SMC6: variants seen among roughly 807,000 people sequenced by gnomAD.
SMC6 encodes the protein structural maintenance of chromosomes protein 6.
In SMC6, 79 loss-of-function variants were observed where a neutral mutation model predicts 142.2. The ratio of observed to expected loss-of-function variants is 0.56; its 90% CI spans 0.46 to 0.67. The LOEUF is 0.67. Ranked by LOEUF, SMC6 falls within the 30% of genes least tolerant of loss-of-function variation. The probability of loss-of-function intolerance (pLI) is 0.00; values close to 1 mark genes in which losing one functional copy is unlikely to be tolerated. For synonymous variants in SMC6, 411 were observed against 412.4 expected (o/e 1.00, Z 0.04); for missense variants, 1,072 against 1,284.0 (o/e 0.83, Z 2.52).
chr2:17,718,038 T>C (rs1669186735), intron 12 of SMC6, 39 bp downstream of exon 12: 1 of 1,573,382 alleles, frequency 6.4e-7, no homozygotes, highest in African/African-American at 1.4e-5. Context: ...ATATTTGCTG[T>C]GTGGCTTTTA....
At chr2:17,715,327 A>T (rs1348223832) in intron 15 of SMC6, among the ~76,000 whole-genome samples, 1 of 151,986 alleles carries the variant, frequency 6.6e-6, no homozygotes, top group Non-Finnish European at 1.5e-5. Flanking sequence ...CCTGTGAAAA[A>T]AATTGTCCCA....
At chr2:17,676,446 A>G (rs1370886980) in intron 25 of SMC6, among the ~76,000 whole-genome samples, 1 of 152,204 alleles carries the variant, frequency 6.6e-6, no homozygotes, top group Non-Finnish European at 1.5e-5. Flanking sequence ...GAAATATAAT[A>G]AGCTGCATAT....
At chr2:17,694,027 A>T (rs1667873986) in intron 23 of SMC6, among the ~76,000 whole-genome samples, 1 of 136,944 alleles carries the variant, frequency 7.3e-6, no homozygotes, top group African/African-American at 2.9e-5. Context: ...AAAAAAAAGA[A>T]TGAAATCCTG....
At chr2:17,686,637 C>G (rs1300317490) in intron 23 of SMC6, among the ~76,000 whole-genome samples, 1 of 152,122 alleles carries the variant, frequency 6.6e-6, no homozygotes, top group African/African-American at 2.4e-5. Flanking sequence ...TTATTCAGTG[C>G]CCCCAAGGGA....
intron 4 of SMC6, among the ~76,000 whole-genome samples, chr2:17,739,402 C>T (rs1446363202): frequency 6.6e-6 from 1 of 152,152 alleles, no homozygotes; most frequent in Non-Finnish European, 1.5e-5. Flanking sequence ...CACAGCACTT[C>T]GGAAGGCCAA....
chr2:17,717,440 G>T (rs1351887656), intron 12 of SMC6, among the ~76,000 whole-genome samples: 1 of 152,096 alleles, frequency 6.6e-6, no homozygotes, highest in Non-Finnish European at 1.5e-5. Flanking sequence ...GGGAGGCCAA[G>T]GTGGGCGGAT....
chr2:17,729,884 AC>A (rs1285141953), intron 7 of SMC6, among the ~76,000 whole-genome samples: 4 of 152,136 alleles, frequency 2.6e-5, no homozygotes, highest in Non-Finnish European at 5.9e-5. Flanking sequence ...GCTAGTGGTT[AC>A]CCCACTGAAT....
At chr2:17,666,003 C>A (rs1203881449) in intron 27 of SMC6, among the ~76,000 whole-genome samples, 1 of 152,162 alleles carries the variant, frequency 6.6e-6, no homozygotes, top group Non-Finnish European at 1.5e-5. Context: ...TAGTGCTTGA[C>A]AATTGTAGGC....
Position 17,670,535 on chromosome 2 carries a change from A to G in SMC6, c.2951T>C (p.Met984Thr). 2 of 1,587,540 alleles carry G rather than the reference A, an allele frequency of 1.3e-6. No individual in the cohort carries two copies. The highest frequency in any genetic ancestry group is 2.2e-5 in the East Asian group (1 of 44,506). The change falls in exon 26 of 28, where the codon ATG (methionine) becomes ACG (threonine). Residue 984 changes from methionine (M) to threonine (T), a missense_variant. Coordinates refer to ENST00000448223, the MANE Select transcript of SMC6 (RefSeq NM_001142286.2). ...GEGNKAAFND[M>T]RALSGGERSF... The stretch of plus-strand genomic sequence containing the variant: ...ACGTTCACCTCCAGACAAGGCTCTC[A>G]TGTCATTGAAAGCAGCTTTATTTCC...
rs1470499181 is a variant in SMC6 at position 17,716,789 on chromosome 2, T to C, written c.1298A>G (p.Gln433Arg). ...GTCCTTTTCTATGGCTTGCTGAAAC[T>C]GTTCGATCTCTTGATTGACTGAATT... ...QENSVNQEIEQFQQAIEKDKE... is the reference protein window; with the variant it reads ...QENSVNQEIERFQQAIEKDKE... The change falls in exon 14 of 28, where the codon CAG becomes CGG. Residue 433 changes from glutamine to arginine, a missense_variant. Transcript: ENST00000448223. The C allele has an allele frequency of 1.2e-6, 2 of 1,613,644 alleles. No homozygotes were observed. Among genetic ancestry groups the C allele is most frequent in the Admixed American group, 1.7e-5 (1 of 59,978 alleles).
chr2:17,720,953 A>G lies in SMC6; in HGVS notation c.932T>C (p.Met311Thr). ...EDRAARLDRKMEEQQVRLNEA... is the reference protein window; with the variant it reads ...EDRAARLDRKTEEQQVRLNEA... ...AACTGTAATTACCTGCTGTTCTTCC[A>G]TTTTCCTGTCAAGTCTAGCAGCACG... The change falls in exon 11 of 28, where the codon ATG (methionine) becomes ACG (threonine). Residue 311 changes from methionine (M) to threonine (T), a missense_variant. By Grantham distance (81) the Met-to-Thr change is moderately conservative. Transcript: ENST00000448223. The G allele has an allele frequency of 1.2e-6, 2 of 1,613,044 alleles. No homozygotes were observed. The highest frequency in any genetic ancestry group is 1.7e-6 in the Non-Finnish European group (2 of 1,179,622).
At chr2:17,687,165 C>T (rs868308437) in intron 23 of SMC6, among the ~76,000 whole-genome samples, 2 of 152,334 alleles carry the variant, frequency 1.3e-5, no homozygotes, top group African/African-American at 2.4e-5. Flanking sequence ...ACCACTTACA[C>T]ATTTATGCTT....
At chr2:17,682,360 C>T (rs569390664) in intron 24 of SMC6, among the ~76,000 whole-genome samples, 20 of 152,270 alleles carry the variant, frequency 1.3e-4, no homozygotes, top group South Asian at 2.1e-4. Flanking sequence ...TTGAACCCCA[C>T]CAATGCCCCA....
At chr2:17,717,248 A>C in intron 12 of SMC6, 72 bp from the exon 13 acceptor site, 1 of 1,070,536 alleles carries the variant, frequency 9.3e-7, no homozygotes, top group South Asian at 1.4e-5. Context: ...ACTTTTGTCA[A>C]ATCTTCAGAG....
intron 5 of SMC6, among the ~76,000 whole-genome samples, chr2:17,737,580 C>T (rs973541969): frequency 5.3e-5 from 8 of 152,164 alleles, no homozygotes; most frequent in Non-Finnish European, 1.5e-5. Flanking sequence ...GGACAATTCA[C>T]ATATAGCTAT....
At chr2:17,738,150 G>A (rs1572353584) in intron 5 of SMC6, 71 bp downstream of exon 5, 4 of 1,133,884 alleles carry the variant, frequency 3.5e-6, no homozygotes. Flanking sequence ...ATGTCTATGT[G>A]AACTGGGAAT....
intron 3 of SMC6, among the ~76,000 whole-genome samples, chr2:17,744,606 T>G (rs1404436238): frequency 6.6e-6 from 1 of 152,218 alleles, no homozygotes; most frequent in East Asian, 1.9e-4. Context: ...CTAGATTTTC[T>G]AGCACTATGT....
rs141795401 is a variant in SMC6 at position 17,727,910 on chromosome 2, T to C, written c.544-1441A>G. On this transcript the variant is annotated intron_variant, in intron 7 of 27. Coordinates refer to ENST00000448223, the MANE Select transcript of SMC6 (RefSeq NM_001142286.2). ...AACTTTACATGTGACATGTTTCTTATTATATAGACCAGACTCCATCTGCCA... is the reference window on the plus strand; with the variant it reads ...AACTTTACATGTGACATGTTTCTTACTATATAGACCAGACTCCATCTGCCA... Among the ~76,000 whole-genome samples, 715 of 152,322 alleles carry C rather than the reference T, an allele frequency of 4.7e-3. 8 individuals carry two copies. The highest frequency in any genetic ancestry group is 0.016 in the African/African-American group (672 of 41,574).
intron 3 of SMC6, among the ~76,000 whole-genome samples, chr2:17,745,321 G>A (rs1438645282): frequency 2.0e-5 from 3 of 152,072 alleles, no homozygotes; most frequent in African/African-American, 7.2e-5. Flanking sequence ...AACCAACTGG[G>A]CCTGTAGATT....
Sources: gnomAD v4.1 joint callset for allele counts (sites outside exome capture counted in the v4.1 genomes callset) on GRCh38, gnomAD v4.1.1 for gene constraint, MANE v1.5 for transcripts, NCBI Gene and HGNC (gene_info 2026-07-23, HGNC 2026-07-21) for gene names.